The following RUBCN variants were observed in gnomAD, a reference collection of about 807,000 sequenced individuals.
RUBCN encodes rubicon autophagy regulator.
Under a neutral mutation model 113.2 loss-of-function variants are expected in RUBCN, and 74 were observed. The observed-to-expected ratio is 0.65, with a 90% confidence interval of 0.54 to 0.79. The LOEUF is 0.79. Among genes scored for constraint, RUBCN ranks in the 30% least tolerant of loss-of-function variants. The pLI is 0.00. For synonymous variants in RUBCN, 480 were observed against 490.0 expected (o/e 0.98, Z 0.27); for missense variants, 1,109 against 1,251.7 (o/e 0.89, Z 1.72).
At position 197,700,956 on chromosome 3, in the gene RUBCN, G is replaced by C. The variant is rs768010000; in HGVS notation, c.918C>G (p.Ser306=). 2 of 1,614,240 alleles carry C rather than the reference G, an allele frequency of 1.2e-6. No individual in the cohort carries two copies. The highest frequency in any genetic ancestry group is 1.7e-6 in the Non-Finnish European group (2 of 1,180,046). ...SSTLTSPIEA[S]WVSSQNDSPG... The stretch of plus-strand genomic sequence containing the variant: ...GGGAATCATTCTGGCTGCTGACCCA[G>C]GATGCCTCTATGGGGCTGGTCAGAG... Residue 306 remains serine, a synonymous_variant, in exon 7 of 20, where the codon TCC becomes TCG. Coordinates refer to ENST00000296343, the MANE Select transcript of RUBCN (RefSeq NM_014687.4).
At position 197,736,901 on chromosome 3, in the gene RUBCN, C is replaced by G. The variant is rs570508944; in HGVS notation, c.-182G>C. ...GCCTGGGCTGCGGCTTCTATCCCGG[C>G]CACCCCCACTTCCGGCTCCGGGGAC... On this transcript the variant is annotated 5_prime_UTR_variant, in exon 1 of 20. Transcript: ENST00000296343. The G allele has an allele frequency of 2.2e-6, 3 of 1,363,072 alleles. No homozygotes were observed. Among genetic ancestry groups the G allele is most frequent in the South Asian group, 3.5e-5 (2 of 57,730 alleles). 84.4% of individuals were successfully genotyped at this position (1,363,072 alleles called of 1,614,324 possible).
At chr3:197,717,172 C>T (rs1208737149) in intron 2 of RUBCN, among the ~76,000 whole-genome samples, 2 of 150,062 alleles carry the variant, frequency 1.3e-5, no homozygotes, top group Admixed American at 6.6e-5. Flanking sequence ...CGGTGGCTCA[C>T]GCCTGTAATC....
Position 197,731,905 on chromosome 3 carries a change from A to G in RUBCN, c.65+4750T>C, listed in dbSNP as rs1490659099. On this transcript the variant is annotated intron_variant, in intron 1 of 19. Coordinates refer to ENST00000296343, the MANE Select transcript of RUBCN (RefSeq NM_014687.4). ...AGTACTATAAGCCATTATATTTGGA[A>G]ATGGAGAGAAAAAGAAGGCTTCAAA... Among the ~76,000 whole-genome samples, 5 of 152,250 alleles carry G rather than the reference A, an allele frequency of 3.3e-5. No individual in the cohort carries two copies. In the East Asian group the frequency reaches 9.6e-4, roughly 29 times the overall value.
At position 197,684,737 on chromosome 3, in the gene RUBCN, T is replaced by TAC. The variant is rs1280371731; in HGVS notation, c.1787-522_1787-521dup. ...ACACATATATGTGTGTGTATATATA[T>TAC]ACACACACGTATATATATACATATA... On this transcript the variant is annotated intron_variant, in intron 11 of 19. Coordinates refer to ENST00000296343, the MANE Select transcript of RUBCN (RefSeq NM_014687.4). 5.3e-5 allele frequency among the ~76,000 whole-genome samples: 8 copies of TAC among 151,634 alleles called. No individual in the cohort carries two copies. The East Asian group carries it at 1.4e-3, about 26-fold the overall frequency.
intron 1 of RUBCN, among the ~76,000 whole-genome samples, chr3:197,720,077 C>T (rs1180393473): frequency 6.6e-6 from 1 of 152,132 alleles, no homozygotes; most frequent in Non-Finnish European, 1.5e-5. Flanking sequence ...TCTCCATGCC[C>T]TTCTCCCGCC....
intron 5 of RUBCN, 152 bp downstream of exon 5, chr3:197,703,396 T>TC: frequency 9.6e-6 from 3 of 312,760 alleles, no homozygotes; most frequent in Admixed American, 7.0e-5. Context: ...AGACTCTGTC[T>TC]CAAAAAAAAA....
Position 197,736,725 on chromosome 3 carries a change from G to T in RUBCN, c.-6C>A, listed in dbSNP as rs1355620741. The T allele has an allele frequency of 5.2e-6, 8 of 1,530,072 alleles. No individual in the cohort carries two copies. In the South Asian group the frequency reaches 9.5e-5, roughly 18 times the overall value. The allele number at this position is 1,530,072 out of a possible 1,614,324, so 94.8% of individuals were successfully genotyped here. ...CCCGCGCCCTCCGGCCGCATCCGGGGCGGTGAGGCCGCCTCTTCGCCCAAG... is the reference window on the plus strand; with the variant it reads ...CCCGCGCCCTCCGGCCGCATCCGGGTCGGTGAGGCCGCCTCTTCGCCCAAG... On this transcript the variant is annotated 5_prime_UTR_variant, in exon 1 of 20. Transcript: ENST00000296343.
intron 2 of RUBCN, among the ~76,000 whole-genome samples, chr3:197,717,232 A>C: frequency 6.6e-6 from 1 of 151,034 alleles, no homozygotes; most frequent in African/African-American, 2.5e-5. Context: ...CAGGAGATTG[A>C]GACCACTGAG....
At chr3:197,698,829 C>CAAAAAA (rs113975138) in intron 7 of RUBCN, among the ~76,000 whole-genome samples, 1 of 31,084 alleles carries the variant, frequency 3.2e-5, no homozygotes. Context: ...CCTGTCTCTA[C>CAAAAAA]AAAAAAAAAA....
intron 16 of RUBCN, among the ~76,000 whole-genome samples, chr3:197,679,004 G>A (rs184109475): frequency 1.4e-4 from 19 of 140,034 alleles, no homozygotes; most frequent in South Asian, 2.3e-4. Flanking sequence ...GCTCTAACTC[G>A]TCAACTGGCT....
Position 197,674,928 on chromosome 3 carries a change from G to C in RUBCN, c.*90C>G, listed in dbSNP as rs201081872. ...ATAATTAAAAAAAAAAAAAAAAAAA[G>C]AAGCCCCAGGTGGGGCGAGTCCTTC... On this transcript the variant is annotated 3_prime_UTR_variant, in exon 20 of 20. Transcript: ENST00000296343. The C allele has an allele frequency of 1.2e-5, 5 of 412,624 alleles. No homozygotes were observed. Among genetic ancestry groups the C allele is most frequent in the Non-Finnish European group, 1.8e-5 (5 of 272,612 alleles). 25.6% of individuals were successfully genotyped at this position (412,624 alleles called of 1,614,324 possible).
chr3:197,706,436 A>G (rs1433518086), intron 2 of RUBCN, among the ~76,000 whole-genome samples: 2 of 152,174 alleles, frequency 1.3e-5, no homozygotes, highest in Non-Finnish European at 2.9e-5. Flanking sequence ...TAATCTCAGC[A>G]CTTTGGGGGG....
chr3:197,726,207 T>G (rs61329521), intron 1 of RUBCN, among the ~76,000 whole-genome samples: 4,910 of 152,278 alleles, frequency 0.032, 257 homozygotes, highest in African/African-American at 0.11. Flanking sequence ...GGACTATGTA[T>G]CTTCTATTTC....
chr3:197,744,252 G>A (rs1728647640), intron 1 of RUBCN, among the ~76,000 whole-genome samples: 1 of 152,026 alleles, frequency 6.6e-6, no homozygotes, highest in Non-Finnish European at 1.5e-5. Flanking sequence ...ATATTAGCAA[G>A]TCAAATCCAA....
At chr3:197,717,841 A>G (rs956110860) in intron 2 of RUBCN, 136 bp downstream of exon 2, 1 of 889,808 alleles carries the variant, frequency 1.1e-6, no homozygotes, top group Non-Finnish European at 1.8e-6. Context: ...CGTTCTGTAT[A>G]TTAAAAAAAT....
In RUBCN at chr3:197,674,871, A is replaced by ATCT; in HGVS notation, c.*146_*147insAGA. On this transcript the variant is annotated 3_prime_UTR_variant, in exon 20 of 20. Coordinates refer to ENST00000296343, the MANE Select transcript of RUBCN (RefSeq NM_014687.4). ...ACGGCTGACTGCACACAGACGTCAG[A>ATCT]CAAGTCAGTAAAAAAAAAAAAAAAG... 8.8e-6 allele frequency: 6 copies of ATCT among 681,180 alleles called. No homozygotes were observed. The highest frequency in any genetic ancestry group is 2.3e-5 in the South Asian group (1 of 43,730). 42.2% of individuals were successfully genotyped at this position (681,180 alleles called of 1,614,324 possible).
chr3:197,693,274 T>C (rs912967832), intron 11 of RUBCN, among the ~76,000 whole-genome samples: 1 of 152,254 alleles, frequency 6.6e-6, no homozygotes, highest in Non-Finnish European at 1.5e-5. Context: ...AGCTCTACTT[T>C]GTAAACCTGA....
At chr3:197,736,974 C>T, upstream of RUBCN, 1 of 1,273,182 alleles carries the variant, frequency 7.9e-7, no homozygotes, top group East Asian at 3.6e-5. Context: ...CCGCAGGACG[C>T]GTCCTCCAAT....
Position 197,694,559 on chromosome 3 carries a change from C to T in RUBCN, c.1500G>A (p.Glu500=). The T allele has an allele frequency of 6.2e-7, 1 of 1,614,204 alleles. No homozygotes were observed. Among genetic ancestry groups the T allele is most frequent in the Non-Finnish European group, 8.5e-7 (1 of 1,180,028 alleles). Residue 500 remains glutamate (E), a synonymous_variant, in exon 10 of 20, where the codon GAG becomes GAA. Transcript: ENST00000296343. ...TTAGCTCGATGGCAGCAATTAAGGA[C>T]TCTGAGATGCTGAAGTGGGCATTCT... ...EKENAHFSIS[E]SLIAAIELMK...
Sources: gnomAD v4.1 joint callset for allele counts (sites outside exome capture counted in the v4.1 genomes callset) on GRCh38, gnomAD v4.1.1 for gene constraint, MANE v1.5 for transcripts, NCBI Gene and HGNC (gene_info 2026-07-23, HGNC 2026-07-21) for gene names.